Variants in RYR3 observed in about 807,000 individuals in gnomAD.
RYR3 encodes ryanodine receptor 3.
RYR3 carries 207 observed loss-of-function variants against 584.3 expected under a neutral mutation model. That is an observed-to-expected ratio of 0.35 (90% CI 0.32 to 0.40). RYR3 has a LOEUF of 0.40. Ranked by LOEUF, RYR3 falls within the 10% of genes least tolerant of loss-of-function variation. The pLI is 1.00. For missense variants in RYR3, 5,616 were observed against 6,089.2 expected (o/e 0.92, Z 2.59); for synonymous variants, 2,416 against 2,248.5 (o/e 1.07, Z -2.11).
intron 2 of RYR3, among the ~76,000 whole-genome samples, chr15:33,485,566 A>G (rs1175317281): frequency 6.6e-6 from 1 of 152,232 alleles, no homozygotes; most frequent in Non-Finnish European, 1.5e-5. Flanking sequence ...TTCATTGAAT[A>G]GGAAGGAAAA....
chr15:33,748,140 G>A lies in RYR3; in HGVS notation c.8016G>A (p.Ala2672=), dbSNP rs201746379. ...EKEKEIYRWP[A]RESLKTMLAV... ...AGAAGGAAATTTATCGCTGGCCTGCGCGAGAGTCCCTGAAAACCATGCTGG... is the reference window on the plus strand; with the variant it reads ...AGAAGGAAATTTATCGCTGGCCTGCACGAGAGTCCCTGAAAACCATGCTGG... Residue 2672 remains alanine, a synonymous_variant, in exon 54 of 104, where the codon GCG becomes GCA. Coordinates refer to ENST00000634891, the MANE Select transcript of RYR3 (RefSeq NM_001036.6). 3.6e-4 allele frequency: 576 copies of A among 1,613,752 alleles called. 4 individuals carry two copies. The highest frequency in any genetic ancestry group is 1.2e-4 in the African/African-American group (9 of 74,928).
intron 1 of RYR3, among the ~76,000 whole-genome samples, chr15:33,447,119 A>T (rs1420952130): frequency 1.3e-5 from 2 of 152,240 alleles, no homozygotes; most frequent in East Asian, 3.8e-4. Flanking sequence ...GGCGTAGTAT[A>T]AGTGCTTAGT....
intron 1 of RYR3, among the ~76,000 whole-genome samples, chr15:33,447,243 T>C (rs2046742920): frequency 6.6e-6 from 1 of 152,192 alleles, no homozygotes; most frequent in African/African-American, 2.4e-5. Context: ...GTATTCATGA[T>C]GATAAATTCC....
intron 1 of RYR3, among the ~76,000 whole-genome samples, chr15:33,350,167 C>T (rs1221853566): frequency 7.9e-5 from 12 of 152,048 alleles, no homozygotes; most frequent in Admixed American, 1.3e-4. Flanking sequence ...GAGGAATTGC[C>T]GCTACATAAT....
In RYR3 at chr15:33,311,298, C is replaced by T. The variant is rs1176703617; in HGVS notation, c.51+202C>T. Among the ~76,000 whole-genome samples the T allele has an allele frequency of 6.6e-6, 1 of 152,176 alleles. No homozygotes were observed. Among genetic ancestry groups the T allele is most frequent in the Non-Finnish European group, 1.5e-5 (1 of 68,006 alleles). On this transcript the variant is annotated intron_variant, in intron 1 of 103. Coordinates refer to ENST00000634891, the MANE Select transcript of RYR3 (RefSeq NM_001036.6). This position sits in a 1 kb window ranked among gnomAD's most constrained non-coding sequence, Gnocchi z 4.4. Reference sequence around the variant, plus strand: ...CGTGGGAAGGGGCACCATCTCCTGCCTCTCCCTTGTTCCCCTACCGCCACC... The same window carrying T: ...CGTGGGAAGGGGCACCATCTCCTGCTTCTCCCTTGTTCCCCTACCGCCACC...
intron 16 of RYR3, among the ~76,000 whole-genome samples, chr15:33,599,336 G>A (rs1446822730): frequency 3.9e-5 from 6 of 152,206 alleles, no homozygotes; most frequent in Admixed American, 3.3e-4. Context: ...CAAGGTTGAG[G>A]ACACGCTCGT....
chr15:33,486,833 C>A (rs900781584), intron 2 of RYR3, among the ~76,000 whole-genome samples: 9 of 152,246 alleles, frequency 5.9e-5, no homozygotes, highest in Admixed American at 2.0e-4. Context: ...CCAAGAGAAG[C>A]AGGGTCCTTT....
chr15:33,634,760 G>A, intron 25 of RYR3, 27 bp downstream of exon 25: 2 of 1,607,742 alleles, frequency 1.2e-6, no homozygotes, highest in Non-Finnish European at 1.7e-6. Flanking sequence ...GTTTATTCTG[G>A]CCCCAGTTTA....
At chr15:33,361,130 G>C (rs1378959982) in intron 1 of RYR3, among the ~76,000 whole-genome samples, 1 of 152,210 alleles carries the variant, frequency 6.6e-6, no homozygotes, top group Non-Finnish European at 1.5e-5. Flanking sequence ...CCTGGATCCA[G>C]GTCAGCAGCT....
At position 33,773,486 on chromosome 15, in the gene RYR3, C is replaced by T. The variant is rs780706567; in HGVS notation, c.9056-48C>T. On this transcript the variant is annotated intron_variant, in intron 63 of 103. Transcript: ENST00000634891. Reference sequence around the variant, plus strand: ...TTTTTTTCCTCTTCATGGATCCTTTCTGTATTCAGGATTGATGCAAATCAA... The same window carrying T: ...TTTTTTTCCTCTTCATGGATCCTTTTTGTATTCAGGATTGATGCAAATCAA... 1.6e-5 allele frequency: 21 copies of T among 1,325,302 alleles called. No individual in the cohort carries two copies. In the South Asian group the frequency reaches 2.0e-4, roughly 13 times the overall value. The allele number at this position is 1,325,302 out of a possible 1,614,324, so 82.1% of individuals were successfully genotyped here.
rs2063219332 is a variant in RYR3, at chr15:33,662,404, TGAA to T, written c.4878_4880del (p.Lys1626del). 6.2e-7 allele frequency: 1 copy of T among 1,613,734 alleles called. No individual in the cohort carries two copies. Among genetic ancestry groups the T allele is most frequent in the Non-Finnish European group, 8.5e-7 (1 of 1,179,836 alleles). On this transcript the variant is annotated inframe_deletion, in exon 35 of 104. Transcript: ENST00000634891. ...AGCGCCAAGGAGAGGAAGCTGATGATGAAGAACGAGTACATCATCCCCATTACC... is the reference window on the plus strand; with the variant it reads ...AGCGCCAAGGAGAGGAAGCTGATGATGAACGAGTACATCATCCCCATTACC...
intron 60 of RYR3, among the ~76,000 whole-genome samples, chr15:33,765,490 G>A (rs576889724): frequency 1.3e-5 from 2 of 151,944 alleles, no homozygotes; most frequent in African/African-American, 2.4e-5. Context: ...AAAGTTAGCC[G>A]GGCATGGTAG....
intron 3 of RYR3, among the ~76,000 whole-genome samples, chr15:33,522,106 A>AC (rs1031297932): frequency 6.6e-6 from 1 of 150,640 alleles, no homozygotes; most frequent in Non-Finnish European, 1.5e-5. Context: ...AAAAAAAAAA[A>AC]AAAAAAACTA....
At chr15:33,372,715 A>G (rs909779002) in intron 1 of RYR3, among the ~76,000 whole-genome samples, 131 of 152,088 alleles carry the variant, frequency 8.6e-4, no homozygotes, top group African/African-American at 3.0e-3. Flanking sequence ...CATGTTGCCC[A>G]GGCTGGTCTC....
chr15:33,562,831 A>G lies in RYR3; in HGVS notation c.973-6A>G. The G allele has an allele frequency of 1.9e-6, 3 of 1,606,532 alleles. No individual in the cohort carries two copies. The highest frequency in any genetic ancestry group is 2.6e-6 in the Non-Finnish European group (3 of 1,173,844). On this transcript the variant is annotated splice_polypyrimidine_tract_variant and splice_region_variant and intron_variant, in intron 10 of 103. Transcript: ENST00000634891. Reference sequence around the variant, plus strand: ...CTATGTTTGTTTCTTTTTGTGTATGAATTAGGAACTCAAGGAGAAATTAGA... The same window carrying G: ...CTATGTTTGTTTCTTTTTGTGTATGGATTAGGAACTCAAGGAGAAATTAGA...
At chr15:33,661,635 A>G (rs1272246261) in intron 34 of RYR3, among the ~76,000 whole-genome samples, 5 of 152,122 alleles carry the variant, frequency 3.3e-5, no homozygotes, top group African/African-American at 1.2e-4. Flanking sequence ...TATAAGGAGC[A>G]TGCAGCCTAG....
chr15:33,553,189 G>A (rs1487411981), intron 10 of RYR3, among the ~76,000 whole-genome samples: 1 of 152,132 alleles, frequency 6.6e-6, no homozygotes, highest in Non-Finnish European at 1.5e-5. Flanking sequence ...ATATGTTGGA[G>A]AATCTGAAAA....
intron 60 of RYR3, among the ~76,000 whole-genome samples, chr15:33,763,179 A>G (rs943130900): frequency 6.6e-6 from 1 of 152,222 alleles, no homozygotes; most frequent in African/African-American, 2.4e-5. Context: ...AAGAAAACCT[A>G]GGCAATACCA....
chr15:33,409,460 T>C (rs7166851), intron 1 of RYR3, among the ~76,000 whole-genome samples: 1 of 152,118 alleles, frequency 6.6e-6, no homozygotes, highest in Non-Finnish European at 1.5e-5. Flanking sequence ...CTGGCTGTCT[T>C]GGGCTCCCCA....
Sources: gnomAD v4.1 joint callset for allele counts (sites outside exome capture counted in the v4.1 genomes callset) on GRCh38, gnomAD v4.1.1 for gene constraint, Gnocchi (gnomAD v3.1) non-coding constraint, MANE v1.5 for transcripts, NCBI Gene and HGNC (gene_info 2026-07-23, HGNC 2026-07-21) for gene names.